Variants in ABLIM2 observed in about 807,000 individuals in gnomAD.
ABLIM2 encodes actin-binding LIM protein 2.
A neutral mutation model predicts 97.7 loss-of-function variants in ABLIM2; 53 were observed. That is an observed-to-expected ratio of 0.54 (90% CI 0.44 to 0.68). The LOEUF is 0.68. Among genes scored for constraint, ABLIM2 ranks in the 30% least tolerant of loss-of-function variants. The pLI, the probability that ABLIM2 is intolerant of heterozygous loss-of-function variation, is 0.00. For synonymous variants in ABLIM2, 361 were observed against 345.8 expected, an observed-to-expected ratio of 1.04 and a Z score of -0.49; for missense variants, 835 against 867.2, an observed-to-expected ratio of 0.96 and a Z score of 0.47.
Position 8,091,558 on chromosome 4 carries a change from T to TA in ABLIM2, c.339-3275dup, listed in dbSNP as rs1554070045. On this transcript the variant is annotated intron_variant, in intron 3 of 20. Transcript: ENST00000447017. ...AAATTATATATAATATTTATAATTA[T>TA]ATATATTATATATAATTTTATATAA... Among the ~76,000 whole-genome samples the TA allele has an allele frequency of 2.9e-3, 119 of 40,480 alleles. 15 individuals carry two copies. The highest frequency in any genetic ancestry group is 3.2e-3 in the Non-Finnish European group (95 of 29,488). 26.6% of individuals were successfully genotyped at this position (40,480 alleles called of 152,430 possible).
intron 2 of ABLIM2, among the ~76,000 whole-genome samples, chr4:8,097,635 C>A (rs925928863): frequency 1.3e-5 from 2 of 152,230 alleles, no homozygotes; most frequent in Non-Finnish European, 2.9e-5. Context: ...CCCTGCTGTC[C>A]TCCAGTGGGC....
intron 1 of ABLIM2, among the ~76,000 whole-genome samples, chr4:8,141,002 C>G (rs1285621524): frequency 2.0e-5 from 3 of 152,146 alleles, no homozygotes; most frequent in Non-Finnish European, 4.4e-5. Flanking sequence ...ACCTCAGGCT[C>G]AGGTGGACCC....
At chr4:7,995,387 C>T (rs936823584) in intron 16 of ABLIM2, among the ~76,000 whole-genome samples, 1 of 152,236 alleles carries the variant, frequency 6.6e-6, no homozygotes, top group African/African-American at 2.4e-5. Context: ...GGGAAGGTGG[C>T]TCACAAGGCC....
In ABLIM2 at chr4:8,106,596, G is replaced by A; in HGVS notation, c.52C>T (p.Pro18Ser). The A allele has an allele frequency of 1.2e-6, 2 of 1,612,202 alleles. No homozygotes were observed. Among genetic ancestry groups the A allele is most frequent in the East Asian group, 4.5e-5 (2 of 44,858 alleles). The change falls in exon 2 of 21, where the codon CCC becomes TCC. Residue 18 changes from proline (P) to serine (S), a missense_variant. Pro to Ser is a moderately conservative substitution (Grantham distance 74, BLOSUM62 -1). Transcript: ENST00000447017. ...GTGTTGCACAGGATCGCCGTGCTGG[G>A]CGACTTCTCCAGCGGGCTGGGAGCA... ...QAAPSPLEKS[P>S]STAILCNTCG...
intron 1 of ABLIM2, among the ~76,000 whole-genome samples, chr4:8,126,211 A>G (rs1168509831): frequency 6.6e-6 from 1 of 152,176 alleles, no homozygotes; most frequent in Non-Finnish European, 1.5e-5. Flanking sequence ...GGCAGAACCC[A>G]CAGGCCAGAA....
chr4:8,015,818 T>A lies in ABLIM2; in HGVS notation c.1423+3800A>T, dbSNP rs1301040432. Among the ~76,000 whole-genome samples the A allele has an allele frequency of 6.6e-6, 1 of 152,186 alleles. No homozygotes were observed. ...CCTGCATCTGGAGAGTCGAACTTAC[T>A]GGGAAATGTTGGGGAGCCATCATTT... On this transcript the variant is annotated intron_variant, in intron 14 of 20. Transcript: ENST00000447017. This position sits in a 1 kb window ranked among gnomAD's most constrained non-coding sequence, Gnocchi z 4.6.
At chr4:8,028,091 G>A (rs1778565439) in intron 11 of ABLIM2, among the ~76,000 whole-genome samples, 1 of 152,234 alleles carries the variant, frequency 6.6e-6, no homozygotes, top group Non-Finnish European at 1.5e-5. Flanking sequence ...TAGGAGCCTT[G>A]GGCTGGGGTT....
At chr4:8,049,503 C>A (rs528123941) in intron 8 of ABLIM2, among the ~76,000 whole-genome samples, 1 of 152,238 alleles carries the variant, frequency 6.6e-6, no homozygotes, top group African/African-American at 2.4e-5. Context: ...TGATGGGAAG[C>A]GGGGGTCAGA....
At chr4:8,025,967 C>T (rs1480054986) in intron 12 of ABLIM2, among the ~76,000 whole-genome samples, 1 of 152,212 alleles carries the variant, frequency 6.6e-6, no homozygotes, top group Non-Finnish European at 1.5e-5. Flanking sequence ...CCCTGCTGGC[C>T]ATGCTTCTGT....
intron 1 of ABLIM2, among the ~76,000 whole-genome samples, chr4:8,108,350 C>T (rs1838492486): frequency 6.6e-6 from 1 of 152,350 alleles, no homozygotes; most frequent in African/African-American, 2.4e-5. Context: ...CCAAGTTCAC[C>T]CCGAATGATC....
rs1211717314 is a variant in ABLIM2 at position 8,066,358 on chromosome 4, G to T, written c.676-5304C>A. Reference sequence around the variant, plus strand: ...GGAGGGAGGGAGAGAGGGAGGGAGGGAGGGAAGGAAGGAAGGAAGGAAGGA... The same window carrying T: ...GGAGGGAGGGAGAGAGGGAGGGAGGTAGGGAAGGAAGGAAGGAAGGAAGGA... On this transcript the variant is annotated intron_variant, in intron 6 of 20. Transcript: ENST00000447017. Among the ~76,000 whole-genome samples the T allele has an allele frequency of 5.5e-4, 46 of 83,616 alleles. 1 individual carries two copies. The highest frequency in any genetic ancestry group is 2.1e-3 in the African/African-American group (45 of 21,380). 54.9% of individuals were successfully genotyped at this position (83,616 alleles called of 152,430 possible).
At chr4:8,057,102 T>C (rs57036982) in intron 7 of ABLIM2, among the ~76,000 whole-genome samples, 4,716 of 146,860 alleles carry the variant, frequency 0.032, 245 homozygotes, top group African/African-American at 0.11. Context: ...TTCTTTCTTT[T>C]TTTTTTTTTT....
At chr4:8,051,882 C>T (rs558817248) in intron 8 of ABLIM2, among the ~76,000 whole-genome samples, 14 of 152,292 alleles carry the variant, frequency 9.2e-5, no homozygotes, top group African/African-American at 1.4e-4. Context: ...GTGAATGACA[C>T]GCCTGGTCAA....
rs1177424991 is a variant in ABLIM2 at position 8,112,724 on chromosome 4, A to G, written c.11-6087T>C. ...CCCTCGACATTCTCTTGTTTGTTCC[A>G]TACCATGCCCCACAGGAATGGTCAG... On this transcript the variant is annotated intron_variant, in intron 1 of 20. Coordinates refer to ENST00000447017, the MANE Select transcript of ABLIM2 (RefSeq NM_001130083.2). The surrounding 1 kb of genome is among the most constrained non-coding windows in gnomAD (Gnocchi z 4.2). Among the ~76,000 whole-genome samples, 2 of 152,172 alleles carry G rather than the reference A, an allele frequency of 1.3e-5. No homozygotes were observed. Among genetic ancestry groups the G allele is most frequent in the Non-Finnish European group, 2.9e-5 (2 of 68,024 alleles).
chr4:7,982,766 C>T (rs769943008), intron 20 of ABLIM2, among the ~76,000 whole-genome samples: 1 of 151,972 alleles, frequency 6.6e-6, no homozygotes, highest in Non-Finnish European at 1.5e-5. Context: ...TGCAGTGGCG[C>T]CATCTCGGCT....
At chr4:8,141,313 C>T (rs1561624809) in intron 1 of ABLIM2, among the ~76,000 whole-genome samples, 1 of 152,280 alleles carries the variant, frequency 6.6e-6, no homozygotes, top group East Asian at 1.9e-4. Flanking sequence ...ATAAGACCCA[C>T]AAGTCCAAGC....
In ABLIM2 at chr4:8,147,011, C is replaced by T. The variant is rs181755919; in HGVS notation, c.10+11669G>A. Among the ~76,000 whole-genome samples, 105 of 152,278 alleles carry T rather than the reference C, an allele frequency of 6.9e-4. No individual in the cohort carries two copies. The highest frequency in any genetic ancestry group is 2.3e-3 in the African/African-American group (97 of 41,540). On this transcript the variant is annotated intron_variant, in intron 1 of 20. Coordinates refer to ENST00000447017, the MANE Select transcript of ABLIM2 (RefSeq NM_001130083.2). The surrounding 1 kb of genome is among the most constrained non-coding windows in gnomAD (Gnocchi z 5.3). ...CCAGTGTTCTGCGGTTGGACATTTA[C>T]GTTGCAGAGCATGTAACCCCTGCAA...
chr4:8,026,717 T>C (rs1777598632), intron 12 of ABLIM2, among the ~76,000 whole-genome samples: 1 of 152,248 alleles, frequency 6.6e-6, no homozygotes, highest in Non-Finnish European at 1.5e-5. Flanking sequence ...CTGTGTGGCT[T>C]AAACAACAGG....
chr4:8,078,258 C>G (rs1229016453), intron 5 of ABLIM2, among the ~76,000 whole-genome samples: 1 of 152,236 alleles, frequency 6.6e-6, no homozygotes, highest in East Asian at 1.9e-4. Flanking sequence ...AAGGCTGGCT[C>G]TGGCCACACT....
Sources: gnomAD v4.1 joint callset for allele counts (sites outside exome capture counted in the v4.1 genomes callset) on GRCh38, gnomAD v4.1.1 for gene constraint, Gnocchi (gnomAD v3.1) non-coding constraint, MANE v1.5 for transcripts, NCBI Gene and HGNC (gene_info 2026-07-23, HGNC 2026-07-21) for gene names.